Variants in GAD2 observed in about 807,000 individuals in gnomAD.
GAD2 encodes 65 kDa glutamic acid decarboxylase.
Under a neutral mutation model 80.1 loss-of-function variants are expected in GAD2, and 22 were observed. That is an observed-to-expected ratio of 0.27 (90% CI 0.20 to 0.39). GAD2 has a LOEUF of 0.39. GAD2 is among the 10% of genes least tolerant of loss of function. GAD2 has a pLI of 1.00. For missense variants in GAD2, 624 were observed against 738.4 expected (o/e 0.85, Z 1.80); for synonymous variants, 274 against 256.9 (o/e 1.07, Z -0.64).
intron 7 of GAD2, among the ~76,000 whole-genome samples, chr10:26,233,333 G>C (rs1444787086): frequency 6.6e-6 from 1 of 152,200 alleles, no homozygotes; most frequent in Non-Finnish European, 1.5e-5. Context: ...ACCAGGAGCT[G>C]TTTTCTTAAT....
intron 11 of GAD2, among the ~76,000 whole-genome samples, chr10:26,278,600 C>G (rs917774827): frequency 6.6e-6 from 1 of 152,168 alleles, no homozygotes; most frequent in African/African-American, 2.4e-5. Context: ...GTCCTGACTC[C>G]AGGGTCATTC....
chr10:26,240,533 A>C (rs1403386043), intron 7 of GAD2, among the ~76,000 whole-genome samples: 2 of 152,014 alleles, frequency 1.3e-5, no homozygotes, highest in African/African-American at 4.8e-5. Flanking sequence ...GGAGTTCGAG[A>C]CCAGCCTGGC....
chr10:26,232,534 G>T (rs1844617589), intron 7 of GAD2, among the ~76,000 whole-genome samples: 1 of 148,620 alleles, frequency 6.7e-6, no homozygotes, highest in East Asian at 2.0e-4. Context: ...GAGTGCTGTG[G>T]CGTGATCTCT....
At chr10:26,233,249 T>C (rs1193852508) in intron 7 of GAD2, among the ~76,000 whole-genome samples, 1 of 152,224 alleles carries the variant, frequency 6.6e-6, no homozygotes, top group East Asian at 1.9e-4. Flanking sequence ...GATTAAAAGA[T>C]TCAGCAACAG....
intron 11 of GAD2, among the ~76,000 whole-genome samples, chr10:26,278,500 C>T (rs372256554): frequency 2.6e-5 from 4 of 152,324 alleles, no homozygotes; most frequent in East Asian, 1.9e-4. Context: ...AGTCACACAG[C>T]CAGGAAGTGA....
intron 6 of GAD2, among the ~76,000 whole-genome samples, chr10:26,228,515 C>T (rs1158523359): frequency 6.6e-6 from 1 of 152,110 alleles, no homozygotes; most frequent in East Asian, 1.9e-4. Context: ...GGAGGTTTAT[C>T]CTTTATAACA....
chr10:26,258,948 G>C (rs1363579507), intron 8 of GAD2, among the ~76,000 whole-genome samples: 1 of 151,960 alleles, frequency 6.6e-6, no homozygotes, highest in Non-Finnish European at 1.5e-5. Flanking sequence ...CAAGTACTTA[G>C]CTGGGACTAC....
In GAD2 at chr10:26,216,800, T is replaced by C. The variant is rs1397594852; in HGVS notation, c.-10T>C. 1.2e-6 allele frequency: 2 copies of C among 1,610,920 alleles called. No individual in the cohort carries two copies. Among genetic ancestry groups the C allele is most frequent in the Admixed American group, 1.7e-5 (1 of 59,794 alleles). On this transcript the variant is annotated 5_prime_UTR_variant, in exon 1 of 16. Coordinates refer to ENST00000376261, the MANE Select transcript of GAD2 (RefSeq NM_001134366.2). This position sits in a 1 kb window ranked among gnomAD's most constrained non-coding sequence, Gnocchi z 4.7. ...CACTCGCAGGCGACCTGCTCCAGTC[T>C]CCAAAGCCGATGGCATCTCCGGGCT...
chr10:26,253,901 G>A (rs1310400488), intron 8 of GAD2, among the ~76,000 whole-genome samples: 1 of 152,038 alleles, frequency 6.6e-6, no homozygotes, highest in Admixed American at 6.5e-5. Context: ...CCAGGGACTG[G>A]TCTCATGGAA....
At chr10:26,257,529 C>T (rs1347654002) in intron 8 of GAD2, among the ~76,000 whole-genome samples, 1 of 152,206 alleles carries the variant, frequency 6.6e-6, no homozygotes, top group Non-Finnish European at 1.5e-5. Context: ...ATAAATCTGA[C>T]CAAGACGCAT....
rs1845102744 is a variant in GAD2, at chr10:26,268,978, T to C, written c.921-141T>C. ...TCCAGGCAAGTAAATGCATCCTTCC[T>C]GGAAGCAGTCAAGGAGTTGTTTTCT... On this transcript the variant is annotated intron_variant, in intron 8 of 15. Coordinates refer to ENST00000376261, the MANE Select transcript of GAD2 (RefSeq NM_001134366.2). 7.2e-6 allele frequency: 4 copies of C among 556,450 alleles called. No individual in the cohort carries two copies. In the South Asian group the frequency reaches 1.2e-4, roughly 16 times the overall value. The allele number at this position is 556,450 out of a possible 1,614,324, so 34.5% of individuals were successfully genotyped here.
chr10:26,269,156 C>G lies in GAD2; in HGVS notation c.958C>G (p.Leu320Val). ...TCCATCTGATCTTGAAAGAAGGATT[C>G]TTGAAGCCAAACAGAAAGTAAGTTT... ...MIPSDLERRILEAKQKGFVPF... is the reference protein window; with the variant it reads ...MIPSDLERRIVEAKQKGFVPF... Residue 320 changes from leucine (L) to valine (V), a missense_variant, in exon 9 of 16, where the codon CTT becomes GTT. By Grantham distance (32) the Leu-to-Val change is conservative (BLOSUM62 1). Transcript: ENST00000376261. 1.3e-6 allele frequency: 2 copies of G among 1,599,054 alleles called. No homozygotes were observed. The highest frequency in any genetic ancestry group is 1.7e-6 in the Non-Finnish European group (2 of 1,172,058).
chr10:26,275,463 C>T (rs762748237), intron 11 of GAD2, among the ~76,000 whole-genome samples: 2 of 152,310 alleles, frequency 1.3e-5, no homozygotes, highest in African/African-American at 4.8e-5. Flanking sequence ...ACAGAGTTTC[C>T]TCTTATTGCC....
chr10:26,226,330 A>T (rs375480456), intron 6 of GAD2, among the ~76,000 whole-genome samples: 1 of 152,164 alleles, frequency 6.6e-6, no homozygotes, highest in East Asian at 1.9e-4. Context: ...ACCCTCACTG[A>T]TAATGGGGGA....
chr10:26,244,564 A>C (rs1419746392), intron 7 of GAD2, among the ~76,000 whole-genome samples: 4 of 152,194 alleles, frequency 2.6e-5, no homozygotes, highest in African/African-American at 9.7e-5. Context: ...AAAGGAAGGA[A>C]ATTCTCACAC....
intron 8 of GAD2, among the ~76,000 whole-genome samples, chr10:26,246,784 G>A (rs539510044): frequency 9.9e-5 from 15 of 152,190 alleles, no homozygotes; most frequent in South Asian, 4.1e-4. Context: ...AGGCAGTGTC[G>A]TCAGAAGGAG....
intron 7 of GAD2, among the ~76,000 whole-genome samples, chr10:26,235,311 T>C (rs766367329): frequency 2.0e-5 from 3 of 152,312 alleles, no homozygotes; most frequent in Admixed American, 1.3e-4. Context: ...CGAGACTCTG[T>C]GGCCTTCTGC....
chr10:26,250,413 C>T (rs1042208078), intron 8 of GAD2, among the ~76,000 whole-genome samples: 10 of 152,170 alleles, frequency 6.6e-5, no homozygotes, highest in Non-Finnish European at 1.2e-4. Flanking sequence ...TACTCACATA[C>T]ACCCCTTGGG....
chr10:26,235,438 C>G (rs888197993), intron 7 of GAD2, among the ~76,000 whole-genome samples: 31 of 152,214 alleles, frequency 2.0e-4, no homozygotes, highest in Admixed American at 5.9e-4. Context: ...TTCTGGCCAC[C>G]AACACCGACT....
Sources: allele counts gnomAD v4.1 joint callset (sites outside exome capture counted in the v4.1 genomes callset), GRCh38; gene constraint gnomAD v4.1.1; non-coding constraint Gnocchi (gnomAD v3.1); transcripts MANE v1.5; gene names NCBI Gene and HGNC (gene_info 2026-07-23, HGNC 2026-07-21).